The following ADK variants were observed in gnomAD, a reference collection of about 807,000 sequenced individuals.
The protein encoded by ADK is adenosine kinase, also known as N6,N6-dimethyladenosine kinase.
In ADK, 24 loss-of-function variants were observed where a neutral mutation model predicts 44.7. The observed-to-expected ratio is 0.54, with a 90% confidence interval of 0.39 to 0.76. ADK has a LOEUF of 0.76. Among genes scored for constraint, ADK ranks in the 30% least tolerant of loss-of-function variants. ADK has a pLI of 0.00. For missense variants in ADK, 321 were observed against 425.1 expected, an observed-to-expected ratio of 0.76 and a Z score of 2.15; for synonymous variants, 128 against 142.6, an observed-to-expected ratio of 0.90 and a Z score of 0.73.
intron 2 of ADK, among the ~76,000 whole-genome samples, chr10:74,205,388 T>C (rs998897490): frequency 7.9e-5 from 12 of 151,748 alleles, no homozygotes; most frequent in African/African-American, 2.9e-4. Context: ...TGAAATGTAA[T>C]TAGAAGACTG....
At chr10:74,310,993 T>C (rs552453799) in intron 3 of ADK, among the ~76,000 whole-genome samples, 2 of 152,322 alleles carry the variant, frequency 1.3e-5, no homozygotes, top group South Asian at 2.1e-4. Context: ...GGAAAATTGC[T>C]ATGTTCTTTT....
intron 6 of ADK, among the ~76,000 whole-genome samples, chr10:74,448,948 T>C (rs543851632): frequency 6.6e-6 from 1 of 152,234 alleles, no homozygotes; most frequent in South Asian, 2.1e-4. Context: ...AATGTATTAG[T>C]ATAATTTGAA....
At chr10:74,355,418 T>C (rs544297868) in intron 4 of ADK, among the ~76,000 whole-genome samples, 1 of 152,220 alleles carries the variant, frequency 6.6e-6, no homozygotes, top group Non-Finnish European at 1.5e-5. Flanking sequence ...CGTATATACT[T>C]AGCCTTGTGC....
chr10:74,357,673 T>G (rs1842192738), intron 4 of ADK, among the ~76,000 whole-genome samples: 1 of 152,024 alleles, frequency 6.6e-6, no homozygotes, highest in South Asian at 2.1e-4. Context: ...CTGAAGCGCT[T>G]TCTATGCTTT....
chr10:74,171,221 G>C (rs1842151968), intron 1 of ADK, among the ~76,000 whole-genome samples: 1 of 152,118 alleles, frequency 6.6e-6, no homozygotes, highest in African/African-American at 2.4e-5. Context: ...ATGAATAACT[G>C]GGTATACAAA....
chr10:74,545,466 A>G (rs1564784927), intron 7 of ADK, among the ~76,000 whole-genome samples: 1 of 152,210 alleles, frequency 6.6e-6, no homozygotes, highest in Non-Finnish European at 1.5e-5. Context: ...CTCTGGTTTC[A>G]GTCCATGGTG....
intron 1 of ADK, among the ~76,000 whole-genome samples, chr10:74,189,681 C>T (rs111353660): frequency 0.018 from 2,706 of 152,246 alleles, 85 homozygotes; most frequent in African/African-American, 0.062. Flanking sequence ...GTACAGCCAT[C>T]GGCACTATTT....
chr10:74,525,553 G>A, intron 7 of ADK, 127 bp downstream of exon 7: 1 of 852,276 alleles, frequency 1.2e-6, no homozygotes, highest in Non-Finnish European at 1.8e-6. Flanking sequence ...CTTGAGAATT[G>A]TGCAACAAAA....
chr10:74,376,747 T>C (rs1161536771), intron 4 of ADK, among the ~76,000 whole-genome samples: 2 of 151,876 alleles, frequency 1.3e-5, no homozygotes, highest in African/African-American at 4.8e-5. Flanking sequence ...ACCTTGTGTC[T>C]TTTATTATTA....
intron 4 of ADK, among the ~76,000 whole-genome samples, chr10:74,392,827 T>C (rs141817862): frequency 6.6e-6 from 1 of 152,242 alleles, no homozygotes; most frequent in Non-Finnish European, 1.5e-5. Context: ...GTTAACAAAA[T>C]ATCCTGGAAA....
At position 74,398,463 on chromosome 10, in the gene ADK, T is replaced by G; in HGVS notation, c.447-8T>G. ...TAATATTACTTGCTTATTCTTTGGT[T>G]GTTTTAGGTCCCTCATAGCTAATCT... On this transcript the variant is annotated splice_polypyrimidine_tract_variant and splice_region_variant and intron_variant, in intron 5 of 10. Coordinates refer to ENST00000539909, the MANE Select transcript of ADK (RefSeq NM_006721.4). 6.3e-7 allele frequency: 1 copy of G among 1,579,006 alleles called. No homozygotes were observed. Among genetic ancestry groups the G allele is most frequent in the Non-Finnish European group, 8.7e-7 (1 of 1,149,344 alleles).
chr10:74,193,831 T>G (rs951161770), intron 1 of ADK, among the ~76,000 whole-genome samples: 2 of 151,888 alleles, frequency 1.3e-5, no homozygotes, highest in Non-Finnish European at 2.9e-5. Flanking sequence ...ACCCATGGAA[T>G]TATCATATGC....
chr10:74,465,602 A>G (rs1010830828), intron 6 of ADK, among the ~76,000 whole-genome samples: 1 of 152,232 alleles, frequency 6.6e-6, no homozygotes, highest in Non-Finnish European at 1.5e-5. Context: ...AGTGGGAGAT[A>G]TGATGACTTG....
At chr10:74,693,075 G>T (rs1223841770) in intron 10 of ADK, among the ~76,000 whole-genome samples, 1 of 152,056 alleles carries the variant, frequency 6.6e-6, no homozygotes, top group Non-Finnish European at 1.5e-5. Context: ...ATACTTTAAT[G>T]GTGTATATTA....
chr10:74,308,714 CAT>C (rs1840336074), intron 3 of ADK, among the ~76,000 whole-genome samples: 1 of 152,168 alleles, frequency 6.6e-6, no homozygotes, highest in Non-Finnish European at 1.5e-5. Flanking sequence ...ATTTTAATCA[CAT>C]GTCCTATTCT....
chr10:74,425,620 G>C (rs1033169305), intron 6 of ADK, among the ~76,000 whole-genome samples: 2 of 152,104 alleles, frequency 1.3e-5, no homozygotes, highest in African/African-American at 2.4e-5. Context: ...GAAAAGATAT[G>C]TACAGTTAGC....
intron 3 of ADK, among the ~76,000 whole-genome samples, chr10:74,237,872 G>A (rs1480013353): frequency 6.6e-6 from 1 of 152,148 alleles, no homozygotes; most frequent in Non-Finnish European, 1.5e-5. Flanking sequence ...ACTGAGGCAG[G>A]CAGATCACCT....
intron 4 of ADK, among the ~76,000 whole-genome samples, chr10:74,367,339 G>A (rs1842527795): frequency 6.6e-6 from 1 of 152,132 alleles, no homozygotes; most frequent in Non-Finnish European, 1.5e-5. Context: ...TTAAAACTAT[G>A]TTTCATGGAT....
chr10:74,508,024 A>T (rs1261681207), intron 6 of ADK, among the ~76,000 whole-genome samples: 1 of 152,208 alleles, frequency 6.6e-6, no homozygotes, highest in Non-Finnish European at 1.5e-5. Context: ...TTTTGGGAGA[A>T]GCAAATTATT....
Sources: gnomAD v4.1 joint callset for allele counts (sites outside exome capture counted in the v4.1 genomes callset) on GRCh38, gnomAD v4.1.1 for gene constraint, MANE v1.5 for transcripts, NCBI Gene and HGNC (gene_info 2026-07-23, HGNC 2026-07-21) for gene names.